The following PDGFC variants were observed in gnomAD, a reference collection of about 807,000 sequenced individuals.
PDGFC encodes platelet derived growth factor C.
Under a neutral mutation model 35.5 loss-of-function variants are expected in PDGFC, and 12 were observed. That is an observed-to-expected ratio of 0.34 (90% CI 0.22 to 0.55). The LOEUF is 0.55. PDGFC is among the 20% of genes least tolerant of loss of function. The pLI is 0.91. For synonymous variants in PDGFC, 159 were observed against 148.8 expected (o/e 1.07, Z -0.50); for missense variants, 322 against 412.4 (o/e 0.78, Z 1.90).
chr4:156,958,602 G>A (rs1280365181), intron 1 of PDGFC, among the ~76,000 whole-genome samples: 1 of 151,912 alleles, frequency 6.6e-6, no homozygotes, highest in Non-Finnish European at 1.5e-5. Context: ...TAAATGTTAT[G>A]GTATCAACAT....
intron 1 of PDGFC, among the ~76,000 whole-genome samples, chr4:156,889,187 A>G (rs997802567): frequency 6.6e-6 from 1 of 152,122 alleles, no homozygotes; most frequent in Non-Finnish European, 1.5e-5. Context: ...ATTTCTTAAC[A>G]CTATGCACAT....
rs116191486 is a variant in PDGFC at position 156,867,346 on chromosome 4, G to A, written c.119-16930C>T. On this transcript the variant is annotated intron_variant, in intron 1 of 5. Coordinates refer to ENST00000502773, the MANE Select transcript of PDGFC (RefSeq NM_016205.3). ...CTCTACACATACCAGTGCAATCTAC[G>A]TGAACGACAGAGCTCTAGGCAATAA... Among the ~76,000 whole-genome samples, 501 of 152,306 alleles carry A rather than the reference G, an allele frequency of 3.3e-3. 4 individuals carry two copies. The highest frequency in any genetic ancestry group is 0.012 in the African/African-American group (484 of 41,574).
chr4:156,881,552 T>C (rs2111171086), intron 1 of PDGFC, among the ~76,000 whole-genome samples: 1 of 152,106 alleles, frequency 6.6e-6, no homozygotes, highest in South Asian at 2.1e-4. Context: ...GCAATAACTC[T>C]CACAAGATCT....
chr4:156,815,502 C>A (rs1273431979), intron 2 of PDGFC, among the ~76,000 whole-genome samples: 2 of 152,060 alleles, frequency 1.3e-5, no homozygotes, highest in African/African-American at 4.8e-5. Context: ...GACACAACAC[C>A]ATTTGCAGAA....
intron 1 of PDGFC, among the ~76,000 whole-genome samples, chr4:156,964,252 C>A (rs1260953266): frequency 1.3e-5 from 2 of 151,388 alleles, no homozygotes; most frequent in Non-Finnish European, 2.9e-5. Context: ...ACTGAATAAG[C>A]CAAAATATTA....
At chr4:156,901,887 T>C (rs541170104) in intron 1 of PDGFC, among the ~76,000 whole-genome samples, 3 of 152,210 alleles carry the variant, frequency 2.0e-5, no homozygotes, top group Non-Finnish European at 4.4e-5. Context: ...TCTGGAATTA[T>C]AGGCATGAGC....
chr4:156,836,594 T>C (rs1729069132), intron 2 of PDGFC, among the ~76,000 whole-genome samples: 1 of 152,172 alleles, frequency 6.6e-6, no homozygotes, highest in African/African-American at 2.4e-5. Flanking sequence ...CAGTAAACAC[T>C]GACTAGGATA....
At chr4:156,948,115 T>A (rs2110928741) in intron 1 of PDGFC, among the ~76,000 whole-genome samples, 1 of 147,816 alleles carries the variant, frequency 6.8e-6, no homozygotes, top group African/African-American at 2.5e-5. Flanking sequence ...GTGTGCAACC[T>A]AATGGCATTT....
rs187314775 is a variant in PDGFC at position 156,879,091 on chromosome 4, T to C, written c.119-28675A>G. 6.1e-4 allele frequency among the ~76,000 whole-genome samples: 93 copies of C among 152,300 alleles called. 3 individuals carry two copies. The highest frequency in any genetic ancestry group is 2.2e-3 in the African/African-American group (91 of 41,586). On this transcript the variant is annotated intron_variant, in intron 1 of 5. Transcript: ENST00000502773. ...TACTGTCAGTTGTCTTATGAGGTGT[T>C]TTGTACATAGCATATCCTCAAAAAT...
intron 1 of PDGFC, among the ~76,000 whole-genome samples, chr4:156,901,008 G>C (rs537846372): frequency 5.3e-5 from 8 of 152,140 alleles, no homozygotes; most frequent in Non-Finnish European, 8.8e-5. Flanking sequence ...GTACAAAAGA[G>C]AGAATGCAAA....
chr4:156,766,280 A>G (rs754981510), intron 5 of PDGFC, among the ~76,000 whole-genome samples: 5 of 152,156 alleles, frequency 3.3e-5, no homozygotes, highest in Non-Finnish European at 7.4e-5. Flanking sequence ...TTATACATAT[A>G]TAAGGTTCCT....
chr4:156,842,555 G>T (rs1430811897), intron 2 of PDGFC, among the ~76,000 whole-genome samples: 1 of 151,854 alleles, frequency 6.6e-6, no homozygotes, highest in African/African-American at 2.4e-5. Context: ...CTAAAATATA[G>T]ACCAGTACAT....
chr4:156,830,244 T>C (rs1436749704), intron 2 of PDGFC, among the ~76,000 whole-genome samples: 1 of 150,558 alleles, frequency 6.6e-6, no homozygotes, highest in East Asian at 1.9e-4. Flanking sequence ...AGACAGGAAT[T>C]GCATTAAAAA....
intron 1 of PDGFC, among the ~76,000 whole-genome samples, chr4:156,862,298 C>A (rs17035352): frequency 0.11 from 17,110 of 152,100 alleles, 1,160 homozygotes; most frequent in African/African-American, 0.19. Context: ...AGAACATTAA[C>A]ATCTGTGACT....
At chr4:156,916,571 A>T (rs928549288) in intron 1 of PDGFC, among the ~76,000 whole-genome samples, 2 of 152,182 alleles carry the variant, frequency 1.3e-5, no homozygotes, top group African/African-American at 4.8e-5. Context: ...TCACTGATGG[A>T]TCCTACCTTC....
rs1579075844 is a variant in PDGFC at position 156,883,563 on chromosome 4, A to G, written c.119-33147T>C. 2.6e-5 allele frequency among the ~76,000 whole-genome samples: 4 copies of G among 152,344 alleles called. No homozygotes were observed. In the South Asian group the frequency reaches 8.3e-4, roughly 32 times the overall value. ...TTAGTATTGATTGATTGCTTTGATTAATTACACTGCCCACTTAACAATATG... is the reference window on the plus strand; with the variant it reads ...TTAGTATTGATTGATTGCTTTGATTGATTACACTGCCCACTTAACAATATG... On this transcript the variant is annotated intron_variant, in intron 1 of 5. Coordinates refer to ENST00000502773, the MANE Select transcript of PDGFC (RefSeq NM_016205.3).
intron 1 of PDGFC, among the ~76,000 whole-genome samples, chr4:156,871,136 G>A (rs767864230): frequency 1.8e-4 from 27 of 151,992 alleles, no homozygotes; most frequent in Non-Finnish European, 3.1e-4. Flanking sequence ...CAGTTTATAG[G>A]AGCAGCTGCA....
chr4:156,866,460 C>A (rs2111128749), intron 1 of PDGFC, among the ~76,000 whole-genome samples: 1 of 152,192 alleles, frequency 6.6e-6, no homozygotes, highest in South Asian at 2.1e-4. Flanking sequence ...TAATTAAAAT[C>A]TTTCACCAGA....
intron 3 of PDGFC, among the ~76,000 whole-genome samples, chr4:156,787,687 G>T (rs1013452852): frequency 4.6e-5 from 7 of 151,916 alleles, no homozygotes; most frequent in African/African-American, 9.7e-5. Flanking sequence ...AGAGAAGAGT[G>T]CAGGAGGCAC....
Sources: allele counts gnomAD v4.1 joint callset (sites outside exome capture counted in the v4.1 genomes callset), GRCh38; gene constraint gnomAD v4.1.1; transcripts MANE v1.5; gene names NCBI Gene and HGNC (gene_info 2026-07-23, HGNC 2026-07-21).